The following FAM111A variants were observed in gnomAD, a reference collection of about 807,000 sequenced individuals.
FAM111A encodes serine protease FAM111A.
FAM111A carries 8 observed loss-of-function variants against 3.3 expected under a neutral mutation model. The observed-to-expected ratio is 2.39, with a 90% confidence interval of 1.40 to 4.32. The LOEUF (loss-of-function observed/expected upper bound fraction) is 4.32, where lower values mean the gene tolerates loss of function less well. Among genes scored for constraint, FAM111A ranks in the 30% most tolerant of loss-of-function variants. The pLI, the probability that FAM111A is intolerant of heterozygous loss-of-function variation, is 0.00. For missense variants in FAM111A, 683 were observed against 727.6 expected, an observed-to-expected ratio of 0.94 and a Z score of 0.71; for synonymous variants, 227 against 243.1, an observed-to-expected ratio of 0.93 and a Z score of 0.62.
chr11:59,149,871 T>C (rs916515073), intron 5 of FAM111A, among the ~76,000 whole-genome samples: 3 of 152,182 alleles, frequency 2.0e-5, no homozygotes, highest in Non-Finnish European at 4.4e-5. Flanking sequence ...TTTCTACTGA[T>C]TGGGCTCTGT....
chr11:59,152,531 A>G lies in FAM111A; in HGVS notation c.863A>G (p.Asn288Ser). ...ASQNPESEKR[N>S]TCVLREQIVA... ...CAGAATCCTGAGTCAGAGAAAAGAAACACCTGTGTGTTGAGAGAACAAATC... is the reference window on the plus strand; with the variant it reads ...CAGAATCCTGAGTCAGAGAAAAGAAGCACCTGTGTGTTGAGAGAACAAATC... The change falls in exon 6 of 6, where the codon AAC becomes AGC. Residue 288 changes from asparagine (N) to serine (S), a missense_variant. Physicochemically the swap from Asn to Ser is conservative, Grantham distance 46 (BLOSUM62 1). Around this residue, in one of 3 missense-constraint regions of FAM111A, gnomAD observed 557 missense variants for 600.2 expected, o/e 0.93. Transcript: ENST00000675163. 6.2e-7 allele frequency: 1 copy of G among 1,614,118 alleles called. No homozygotes were observed. The highest frequency in any genetic ancestry group is 1.1e-5 in the South Asian group (1 of 91,052).
Position 59,153,702 on chromosome 11 carries a change from AAT to A in FAM111A, c.*199_*200del. ...TATGAGATGGACTATAACTTGCCCAAATTTTTTTTTTTTTTTTGAGACTGAGT... is the reference window on the plus strand; with the variant it reads ...TATGAGATGGACTATAACTTGCCCAATTTTTTTTTTTTTTTGAGACTGAGT... On this transcript the variant is annotated 3_prime_UTR_variant, in exon 6 of 6. Transcript: ENST00000675163. The A allele has an allele frequency of 2.2e-6, 1 of 456,166 alleles. No homozygotes were observed. Among genetic ancestry groups the A allele is most frequent in the Non-Finnish European group, 3.8e-6 (1 of 265,994 alleles). The allele number at this position is 456,166 out of a possible 1,614,324, so 28.3% of individuals were successfully genotyped here.
chr11:59,151,553 G>C (rs1411824120), intron 5 of FAM111A, among the ~76,000 whole-genome samples, 197 bp from the exon 6 acceptor site: 2 of 152,162 alleles, frequency 1.3e-5, no homozygotes, highest in African/African-American at 4.8e-5. Flanking sequence ...GGTACCAAGA[G>C]TTTATCTGAC....
In FAM111A at chr11:59,152,366, C is replaced by T. The variant is rs752607677; in HGVS notation, c.698C>T (p.Ser233Phe). 3.1e-6 allele frequency: 5 copies of T among 1,614,092 alleles called. No individual in the cohort carries two copies. Among genetic ancestry groups the T allele is most frequent in the Non-Finnish European group, 4.2e-6 (5 of 1,180,008 alleles). ...CTGTGCAAGGATGGCAGATTTCTTT[C>T]CTTTCTGGAGAATGATGATTGGAAA... ...DALCKDGRFL[S>F]FLENDDWKLI... The change falls in exon 6 of 6, where the codon TCC (serine) becomes TTC (phenylalanine). Residue 233 changes from serine (S) to phenylalanine (F), a missense_variant. This residue lies in a region of FAM111A where 557 missense variants were observed against 600.2 expected (regional missense o/e 0.93). Coordinates refer to ENST00000675163, the MANE Select transcript of FAM111A (RefSeq NM_001312909.2).
chr11:59,148,611 T>A (rs1172670176), intron 4 of FAM111A, 186 bp from the exon 5 acceptor site: 2 of 414,718 alleles, frequency 4.8e-6, no homozygotes, highest in Non-Finnish European at 8.6e-6. Flanking sequence ...TTAGTATAAT[T>A]TTCATGAAGT....
rs776227529 is a variant in FAM111A at position 59,151,944 on chromosome 11, G to A, written c.276G>A (p.Met92Ile). ...TAAACCACAGGAGAAACCAAGATATGAAACTTAAGCTCACACATAGTGAGA... is the reference window on the plus strand; with the variant it reads ...TAAACCACAGGAGAAACCAAGATATAAAACTTAAGCTCACACATAGTGAGA... ...LKVNHRRNQD[M>I]KLKLTHSENS... is the part of the protein sequence containing the mutation. Residue 92 changes from methionine (M) to isoleucine (I), a missense_variant, in exon 6 of 6, where the codon ATG (methionine) becomes ATA (isoleucine). Physicochemically the swap from Met to Ile is conservative, Grantham distance 10. Transcript: ENST00000675163. 13 of 1,613,932 alleles carry A rather than the reference G, an allele frequency of 8.1e-6. No homozygotes were observed. In the South Asian group the frequency reaches 1.3e-4, roughly 16 times the overall value.
In FAM111A at chr11:59,152,444, T is replaced by C. The variant is rs550295839; in HGVS notation, c.776T>C (p.Leu259Ser). 6.2e-7 allele frequency: 1 copy of C among 1,605,056 alleles called. No individual in the cohort carries two copies. The highest frequency in any genetic ancestry group is 1.1e-5 in the South Asian group (1 of 90,964). Residue 259 changes from leucine to serine, a missense_variant, in exon 6 of 6, where the codon TTA becomes TCA. By Grantham distance (145) the Leu-to-Ser change is moderately radical (BLOSUM62 -2). Around this residue, in one of 3 missense-constraint regions of FAM111A, gnomAD observed 557 missense variants for 600.2 expected, o/e 0.93. Coordinates refer to ENST00000675163, the MANE Select transcript of FAM111A (RefSeq NM_001312909.2). ...ILESTQPVDE[L>S]EGRYFQVEVE... ...GAAAGCACCCAGCCAGTTGATGAAT[T>C]AGAAGGCAGATACTTTCAGGTTGAG...
rs1280192173 is a variant in FAM111A, at chr11:59,153,740, C to T, written c.*236C>T. ...TTTTTGAGACTGAGTCTCACTCTGT[C>T]GCCTGGGCTGGAGTACAGTGGTGCG... On this transcript the variant is annotated 3_prime_UTR_variant, in exon 6 of 6. Transcript: ENST00000675163. The T allele has an allele frequency of 6.1e-5, 21 of 343,072 alleles. No individual in the cohort carries two copies. Among genetic ancestry groups the T allele is most frequent in the South Asian group, 2.1e-4 (5 of 24,364 alleles). The allele number at this position is 343,072 out of a possible 1,614,324, so 21.3% of individuals were successfully genotyped here. A position where few individuals can be genotyped will look rare whatever the true frequency, so the allele number is the denominator to read the frequency against.
At chr11:59,145,381 T>A (rs1860725005) in intron 3 of FAM111A, 2 of 152,382 alleles carry the variant, frequency 1.3e-5, no homozygotes, top group African/African-American at 4.8e-5. Context: ...GCTGCACTGC[T>A]TTATCCCTTT....
In FAM111A at chr11:59,152,519, C is replaced by G. The variant is rs373535960; in HGVS notation, c.851C>G (p.Ser284Ter). 6 of 1,613,950 alleles carry G rather than the reference C, an allele frequency of 3.7e-6. No homozygotes were observed. In the South Asian group the frequency reaches 6.6e-5, roughly 18 times the overall value. Residue 284 changes from serine (S) to a stop codon, truncating the protein, a stop_gained, in exon 6 of 6, where the codon TCA becomes TGA. Transcript: ENST00000675163. LOFTEE classifies it low-confidence loss of function (END_TRUNC). ...GCAGCAGCTTCTCAGAATCCTGAGT[C>G]AGAGAAAAGAAACACCTGTGTGTTG... is the stretch of plus-strand genomic sequence containing the variant. ...PSAAASQNPE[S>*]EKRNTCVLRE...
rs754576799 is a variant in FAM111A, at chr11:59,152,541, G to C, written c.873G>C (p.Val291=). The change falls in exon 6 of 6, where the codon GTG becomes GTC. Residue 291 remains valine (V), a synonymous_variant. Transcript: ENST00000675163. The part of the protein sequence containing the change: ...NPESEKRNTC[V]LREQIVAQYP... ...AGTCAGAGAAAAGAAACACCTGTGT[G>C]TTGAGAGAACAAATCGTGGCTCAGT... 1 of 1,614,132 alleles carries C rather than the reference G, an allele frequency of 6.2e-7. No individual in the cohort carries two copies. Among genetic ancestry groups the C allele is most frequent in the Non-Finnish European group, 8.5e-7 (1 of 1,180,036 alleles).
rs1255219274 is a variant in FAM111A, at chr11:59,143,251, A to G, written c.-359A>G. 21 of 152,270 alleles carry G rather than the reference A, an allele frequency of 1.4e-4. No individual in the cohort carries two copies. The highest frequency in any genetic ancestry group is 1.4e-3 in the Admixed American group (21 of 15,288). 9.4% of individuals were successfully genotyped at this position (152,270 alleles called of 1,614,324 possible). On this transcript the variant is annotated 5_prime_UTR_variant, in exon 2 of 6. Coordinates refer to ENST00000675163, the MANE Select transcript of FAM111A (RefSeq NM_001312909.2). ...CAAGGGACTGGAAGGGAAAGTCCCTAAAAATCACGAGTTCAGGCGTCTGAG... is the reference window on the plus strand; with the variant it reads ...CAAGGGACTGGAAGGGAAAGTCCCTGAAAATCACGAGTTCAGGCGTCTGAG...
intron 4 of FAM111A, among the ~76,000 whole-genome samples, chr11:59,146,376 A>G (rs1837593088): frequency 6.6e-6 from 1 of 152,196 alleles, no homozygotes; most frequent in African/African-American, 2.4e-5. Context: ...GAGCTACCGC[A>G]CCCAGACCAC....
rs767721645 is a variant in FAM111A at position 59,153,190 on chromosome 11, AG to A, written c.1523del (p.Ser508IlefsTer16). On this transcript the variant is annotated frameshift_variant, in exon 6 of 6. Transcript: ENST00000675163. LOFTEE classifies it low-confidence loss of function (END_TRUNC). ...ACGTGTTCAGTCTAAAAAAGCAGAA[AG>A]TCCAGAGTATGTCCATATGTATACT... ...QERVQSKKAE[S>X]PEYVHMYTQR... The A allele has an allele frequency of 6.2e-7, 1 of 1,614,090 alleles. No homozygotes were observed. Among genetic ancestry groups the A allele is most frequent in the African/African-American group, 1.3e-5 (1 of 74,920 alleles).
rs1197460120 is a variant in FAM111A, at chr11:59,152,818, C to T, written c.1150C>T (p.Arg384Trp). ...TAAAGGATTGTTCATTTTAACTTGT[C>T]GGCATGTAATAGATAGCATTGTGGG... ...VFKGLFILTC[R>W]HVIDSIVGDG... The change falls in exon 6 of 6, where the codon CGG becomes TGG. Residue 384 changes from arginine (R) to tryptophan (W), a missense_variant. Physicochemically the swap from Arg to Trp is moderately radical, Grantham distance 101. Coordinates refer to ENST00000675163, the MANE Select transcript of FAM111A (RefSeq NM_001312909.2). The T allele has an allele frequency of 4.3e-6, 7 of 1,614,052 alleles. No homozygotes were observed. Among genetic ancestry groups the T allele is most frequent in the Admixed American group, 1.7e-5 (1 of 60,016 alleles).
In FAM111A at chr11:59,152,442, A is replaced by G; in HGVS notation, c.774A>G (p.Glu258=). The G allele has an allele frequency of 6.2e-7, 1 of 1,614,180 alleles. No homozygotes were observed. The highest frequency in any genetic ancestry group is 1.1e-5 in the South Asian group (1 of 91,082). Residue 258 remains glutamate (E), a synonymous_variant, in exon 6 of 6, where the codon GAA becomes GAG. Coordinates refer to ENST00000675163, the MANE Select transcript of FAM111A (RefSeq NM_001312909.2). ...TAGAAAGCACCCAGCCAGTTGATGA[A>G]TTAGAAGGCAGATACTTTCAGGTTG... ...TILESTQPVD[E]LEGRYFQVEV...
At chr11:59,151,710 T>A in intron 5 of FAM111A, 40 bp from the exon 6 acceptor site, 1 of 1,422,562 alleles carries the variant, frequency 7.0e-7, no homozygotes, top group Non-Finnish European at 9.5e-7. Flanking sequence ...AAGACTCGGG[T>A]TGCATTCAGA....
Position 59,153,688 on chromosome 11 carries a change from C to A in FAM111A, c.*184C>A. The A allele has an allele frequency of 3.9e-6, 2 of 507,944 alleles. No individual in the cohort carries two copies. Among genetic ancestry groups the A allele is most frequent in the Non-Finnish European group, 3.4e-6 (1 of 294,992 alleles). The allele number at this position is 507,944 out of a possible 1,614,324, so 31.5% of individuals were successfully genotyped here. The stretch of plus-strand genomic sequence containing the variant: ...AGTCCTAACAACACTATGAGATGGA[C>A]TATAACTTGCCCAAATTTTTTTTTT... On this transcript the variant is annotated 3_prime_UTR_variant, in exon 6 of 6. Coordinates refer to ENST00000675163, the MANE Select transcript of FAM111A (RefSeq NM_001312909.2).
chr11:59,148,212 A>G (rs1370226169), intron 4 of FAM111A: 1 of 152,174 alleles, frequency 6.6e-6, no homozygotes, highest in Admixed American at 6.5e-5. Flanking sequence ...TACCTCTTTA[A>G]ACAAAAAATC....
Sources: gnomAD v4.1 joint callset for allele counts (sites outside exome capture counted in the v4.1 genomes callset) on GRCh38, gnomAD v4.1.1 for gene constraint, gnomAD v4.1.1 regional missense constraint, MANE v1.5 for transcripts, NCBI Gene and HGNC (gene_info 2026-07-23, HGNC 2026-07-21) for gene names.